RUNX1: variants seen among roughly 807,000 people sequenced by gnomAD.
RUNX1 encodes RUNX family transcription factor 1.
Under a neutral mutation model 42.8 loss-of-function variants are expected in RUNX1, and 19 were observed. The ratio of observed to expected loss-of-function variants is 0.44; its 90% CI spans 0.31 to 0.65. The LOEUF (loss-of-function observed/expected upper bound fraction) is 0.65, where lower values mean the gene tolerates loss of function less well. Ranked by LOEUF, RUNX1 falls within the 30% of genes least tolerant of loss-of-function variation. The pLI, the probability that RUNX1 is intolerant of heterozygous loss-of-function variation, is 0.07. For synonymous variants in RUNX1, 271 were observed against 289.4 expected, an observed-to-expected ratio of 0.94 and a Z score of 0.64; for missense variants, 528 against 672.0, an observed-to-expected ratio of 0.79 and a Z score of 2.37.
At chr21:34,886,798 C>T (rs537852481) in intron 4 of RUNX1, 45 bp downstream of exon 4, 4 of 1,610,678 alleles carry the variant, frequency 2.5e-6, no homozygotes, top group Admixed American at 3.3e-5. Context: ...CCCCCGGCCT[C>T]GCCGGCCTCC....
chr21:34,858,075 A>C (rs1391019195), intron 6 of RUNX1, among the ~76,000 whole-genome samples: 1 of 152,236 alleles, frequency 6.6e-6, no homozygotes, highest in Non-Finnish European at 1.5e-5. Flanking sequence ...GACGAGGAAC[A>C]CCATATCCTG....
At chr21:34,976,602 G>A (rs1354974983) in intron 2 of RUNX1, among the ~76,000 whole-genome samples, 1 of 152,206 alleles carries the variant, frequency 6.6e-6, no homozygotes, top group Admixed American at 6.5e-5. Context: ...CTGATGTCTG[G>A]TGAAGTCTGC....
intron 7 of RUNX1, among the ~76,000 whole-genome samples, chr21:34,819,053 G>A (rs905029870): frequency 6.6e-6 from 1 of 152,148 alleles, no homozygotes; most frequent in Admixed American, 6.5e-5. Context: ...ACCTCTCTGG[G>A]CTCATCCATC....
At chr21:34,881,704 T>C (rs748979400) in intron 4 of RUNX1, among the ~76,000 whole-genome samples, 1 of 152,240 alleles carries the variant, frequency 6.6e-6, no homozygotes, top group Non-Finnish European at 1.5e-5. Context: ...AGAAAACTGG[T>C]AGATAAATGT....
chr21:34,808,043 G>A (rs2056705408), intron 7 of RUNX1, among the ~76,000 whole-genome samples: 1 of 152,202 alleles, frequency 6.6e-6, no homozygotes, highest in African/African-American at 2.4e-5. Flanking sequence ...GGTACCCCCA[G>A]GTAGCAGACA....
chr21:34,926,717 T>C (rs1390349395), intron 2 of RUNX1, among the ~76,000 whole-genome samples: 1 of 151,974 alleles, frequency 6.6e-6, no homozygotes, highest in East Asian at 1.9e-4. Context: ...TCTCTCCAGG[T>C]GGGATTTAAC....
chr21:34,989,112 G>A (rs2409562), intron 2 of RUNX1, among the ~76,000 whole-genome samples: 4,146 of 151,752 alleles, frequency 0.027, 194 homozygotes, highest in African/African-American at 0.095. Context: ...ACGTTCAAGC[G>A]ATTCTCCTGC....
At chr21:34,887,196 C>T in intron 3 of RUNX1, 100 bp from the exon 4 acceptor site, 1 of 1,425,754 alleles carries the variant, frequency 7.0e-7, no homozygotes, top group South Asian at 1.2e-5. Context: ...AAGCAGCTCC[C>T]GGGAGACCAA....
At chr21:34,950,226 G>A (rs913158652) in intron 2 of RUNX1, among the ~76,000 whole-genome samples, 1 of 152,034 alleles carries the variant, frequency 6.6e-6, no homozygotes, top group Non-Finnish European at 1.5e-5. Flanking sequence ...CAGCTACATT[G>A]TTTAACATTC....
chr21:35,022,873 C>A (rs577867803), intron 2 of RUNX1, among the ~76,000 whole-genome samples: 1 of 109,586 alleles, frequency 9.1e-6, no homozygotes, highest in East Asian at 2.3e-4. Flanking sequence ...CCAGTCTGGG[C>A]AACATGAATG....
rs747906151 is a variant in RUNX1 at position 34,834,549 on chromosome 21, G to A, written c.666C>T (p.Ser222=). ...DQTKPGSLSF[S]ERLSELEQLR... is the part of the protein sequence containing the mutation. ...GCTGCTCCAGTTCACTGAGCCGCTCGGAAAAGGACAAGCTCCCGGGCTTGG... is the reference window on the plus strand; with the variant it reads ...GCTGCTCCAGTTCACTGAGCCGCTCAGAAAAGGACAAGCTCCCGGGCTTGG... The change falls in exon 7 of 9, where the codon TCC becomes TCT. Residue 222 remains serine, a synonymous_variant. Coordinates refer to ENST00000675419, the MANE Select transcript of RUNX1 (RefSeq NM_001754.5). The A allele has an allele frequency of 4.1e-5, 66 of 1,612,608 alleles. 2 individuals carry two copies. Among genetic ancestry groups the A allele is most frequent in the South Asian group, 3.4e-4 (31 of 91,032 alleles).
Position 34,834,446 on chromosome 21 carries a change from T to G in RUNX1, c.769A>C (p.Thr257Pro). 6.2e-7 allele frequency: 1 copy of G among 1,609,170 alleles called. No individual in the cohort carries two copies. Among genetic ancestry groups the G allele is most frequent in the Non-Finnish European group, 8.5e-7 (1 of 1,176,686 alleles). The change falls in exon 7 of 9, where the codon ACT (threonine) becomes CCT (proline). Residue 257 changes from threonine (T) to proline (P), a missense_variant. This residue lies in a region of RUNX1 where 331 missense variants were observed against 382.5 expected (regional missense o/e 0.87). Coordinates refer to ENST00000675419, the MANE Select transcript of RUNX1 (RefSeq NM_001754.5). ...CTCTGAGGCTGAGGGTTAAAGGCAG[T>G]GGAGTGGTTCAGGGAGGCACGAGGG... is the stretch of plus-strand genomic sequence containing the variant. ...PNPRASLNHS[T>P]AFNPQPQSQM...
At chr21:34,812,172 G>A (rs2056766826) in intron 7 of RUNX1, among the ~76,000 whole-genome samples, 1 of 152,158 alleles carries the variant, frequency 6.6e-6, no homozygotes, top group Admixed American at 6.5e-5. Context: ...TGAGCCAAGG[G>A]GAATCACTAT....
In RUNX1 at chr21:34,861,444, A is replaced by T. The variant is rs551478255; in HGVS notation, c.509-1866T>A. On this transcript the variant is annotated intron_variant, in intron 5 of 8. Coordinates refer to ENST00000675419, the MANE Select transcript of RUNX1 (RefSeq NM_001754.5). Reference sequence around the variant, plus strand: ...GAGCAGCCACATCCACATGTTCCAGAGCTGACTAACAGATTGTCCTACAAG... The same window carrying T: ...GAGCAGCCACATCCACATGTTCCAGTGCTGACTAACAGATTGTCCTACAAG... Among the ~76,000 whole-genome samples, 5 of 152,246 alleles carry T rather than the reference A, an allele frequency of 3.3e-5. No homozygotes were observed. The South Asian group carries it at 1.0e-3, about 32-fold the overall frequency.
chr21:34,862,548 C>T (rs1475564851), intron 5 of RUNX1, among the ~76,000 whole-genome samples: 1 of 152,168 alleles, frequency 6.6e-6, no homozygotes, highest in African/African-American at 2.4e-5. Context: ...AGGGAGGATC[C>T]TTGCCTCTTT....
chr21:34,978,094 T>G (rs941287237), intron 2 of RUNX1, among the ~76,000 whole-genome samples: 3 of 152,126 alleles, frequency 2.0e-5, no homozygotes, highest in Non-Finnish European at 4.4e-5. Flanking sequence ...CGTGCCACCA[T>G]GCCCGGCTAA....
At chr21:34,888,086 C>T in intron 3 of RUNX1, 4 of 1,066,350 alleles carry the variant, frequency 3.8e-6, no homozygotes, top group Non-Finnish European at 4.5e-6. Context: ...CAGAGTCACA[C>T]ACATGCAAAC....
intron 2 of RUNX1, among the ~76,000 whole-genome samples, chr21:35,038,049 T>C (rs1295726812): frequency 7.2e-5 from 11 of 152,140 alleles, no homozygotes; most frequent in Non-Finnish European, 2.9e-5. Flanking sequence ...AGAGTTACCT[T>C]GTACTTATTG....
chr21:34,890,872 A>T (rs1469869882), intron 3 of RUNX1, among the ~76,000 whole-genome samples: 2 of 151,954 alleles, frequency 1.3e-5, no homozygotes, highest in African/African-American at 4.8e-5. Context: ...TGGGCAAGGG[A>T]AACCTTTTCG....
Sources: allele counts gnomAD v4.1 joint callset (sites outside exome capture counted in the v4.1 genomes callset), GRCh38; gene constraint gnomAD v4.1.1; regional missense constraint gnomAD v4.1.1; transcripts MANE v1.5; gene names NCBI Gene and HGNC (gene_info 2026-07-23, HGNC 2026-07-21).